The following PRKG2 variants were observed in gnomAD, a reference collection of about 807,000 sequenced individuals.
PRKG2 encodes protein kinase cGMP-dependent 2.
A neutral mutation model predicts 97.2 loss-of-function variants in PRKG2; 33 were observed. The observed-to-expected ratio is 0.34, with a 90% CI of 0.26 to 0.45. PRKG2 has a LOEUF of 0.45. PRKG2 is among the 20% of genes least tolerant of loss of function. The pLI is 1.00. For missense variants in PRKG2, 638 were observed against 900.0 expected, an observed-to-expected ratio of 0.71 and a Z score of 3.73; for synonymous variants, 330 against 321.8, an observed-to-expected ratio of 1.03 and a Z score of -0.27.
chr4:81,169,932 C>A (rs184154238), intron 4 of PRKG2, among the ~76,000 whole-genome samples, 164 bp from the exon 5 acceptor site: 163 of 152,068 alleles, frequency 1.1e-3, no homozygotes, highest in African/African-American at 3.7e-3. Flanking sequence ...AAATAGTGAG[C>A]AATTTTATAA....
At position 81,138,250 on chromosome 4, in the gene PRKG2, C is replaced by T. The variant is rs10027844; in HGVS notation, c.1545-768G>A. On this transcript the variant is annotated intron_variant, in intron 12 of 18. Transcript: ENST00000264399. ...TGGGGGCCTCAGTTCCGAAGCGGGA[C>T]GTAGGCAGGGCATCACATTTCAACC... is the stretch of plus-strand genomic sequence containing the variant. Among the ~76,000 whole-genome samples the T allele has an allele frequency of 7.3e-4, 111 of 152,282 alleles. 1 individual carries two copies. The highest frequency in any genetic ancestry group is 1.0e-3 in the African/African-American group (43 of 41,552).
intron 14 of PRKG2, among the ~76,000 whole-genome samples, chr4:81,130,766 C>T (rs567631887): frequency 1.4e-4 from 21 of 152,276 alleles, no homozygotes; most frequent in East Asian, 9.7e-4. Context: ...AACTTCCCCG[C>T]GGCTTTGTTT....
chr4:81,181,501 A>C (rs1751409432), intron 2 of PRKG2, among the ~76,000 whole-genome samples: 1 of 151,870 alleles, frequency 6.6e-6, no homozygotes, highest in African/African-American at 2.4e-5. Context: ...TCAAAAAAGG[A>C]AGGAAGAAAA....
Position 81,137,335 on chromosome 4 carries a change from T to C in PRKG2, c.1634+58A>G, listed in dbSNP as rs544247337. The C allele has an allele frequency of 1.6e-4, 198 of 1,247,748 alleles. 5 individuals are homozygous for C. The South Asian group carries it at 2.4e-3, about 15-fold the overall frequency. The allele number at this position is 1,247,748 out of a possible 1,614,324, so 77.3% of individuals were successfully genotyped here. ...CCTAATGATTTCCTCTATGCCTTTT[T>C]TAATGATTATAAATATAGCCCTTAG... is the stretch of plus-strand genomic sequence containing the variant. On this transcript the variant is annotated intron_variant, in intron 13 of 18. Coordinates refer to ENST00000264399, the MANE Select transcript of PRKG2 (RefSeq NM_006259.3).
chr4:81,176,119 T>A (rs1465693831), intron 2 of PRKG2: 5 of 152,110 alleles, frequency 3.3e-5, no homozygotes, highest in African/African-American at 7.2e-5. Flanking sequence ...CAGAATGAAG[T>A]CTTGTACAAA....
chr4:81,155,994 A>T (rs1278803145), intron 6 of PRKG2, among the ~76,000 whole-genome samples: 1 of 152,186 alleles, frequency 6.6e-6, no homozygotes, highest in Admixed American at 6.6e-5. Flanking sequence ...TGTAAAGACC[A>T]TCGAGACTAG....
intron 14 of PRKG2, among the ~76,000 whole-genome samples, chr4:81,117,327 C>T (rs956366474): frequency 4.6e-5 from 7 of 151,930 alleles, no homozygotes; most frequent in African/African-American, 1.7e-4. Flanking sequence ...AATCATATCA[C>T]CTGGAAGGTT....
intron 8 of PRKG2, among the ~76,000 whole-genome samples, chr4:81,150,165 A>G (rs1312222107): frequency 1.3e-5 from 2 of 152,210 alleles, no homozygotes; most frequent in Non-Finnish European, 2.9e-5. Flanking sequence ...AGACACAGAC[A>G]TGATCTTGAT....
chr4:81,113,552 A>C (rs991308327), intron 14 of PRKG2, among the ~76,000 whole-genome samples: 3 of 152,166 alleles, frequency 2.0e-5, no homozygotes, highest in African/African-American at 7.2e-5. Context: ...CTAAATCTGC[A>C]CTGATGATTG....
chr4:81,201,507 A>G (rs927489528), intron 2 of PRKG2, among the ~76,000 whole-genome samples: 2 of 152,198 alleles, frequency 1.3e-5, no homozygotes, highest in African/African-American at 4.8e-5. Context: ...GGGAGGTACA[A>G]TTAGACAAAT....
rs542330774 is a variant in PRKG2 at position 81,136,062 on chromosome 4, T to C, written c.1635-766A>G. Among the ~76,000 whole-genome samples the C allele has an allele frequency of 1.2e-4, 19 of 152,264 alleles. 1 individual carries two copies. In the South Asian group the frequency reaches 3.5e-3, roughly 28 times the overall value. On this transcript the variant is annotated intron_variant, in intron 13 of 18. Coordinates refer to ENST00000264399, the MANE Select transcript of PRKG2 (RefSeq NM_006259.3). ...CCTAACAGGTAGCAGTAACTCCCTT[T>C]TCTAAAATGATTTAGATTTTCTCAA...
intron 2 of PRKG2, among the ~76,000 whole-genome samples, chr4:81,185,919 C>T (rs1394324208): frequency 6.6e-6 from 1 of 152,128 alleles, no homozygotes; most frequent in African/African-American, 2.4e-5. Context: ...ACAAGAAGAG[C>T]TAATTATCCT....
chr4:81,137,882 T>C (rs964424814), intron 12 of PRKG2, among the ~76,000 whole-genome samples: 1 of 152,154 alleles, frequency 6.6e-6, no homozygotes, highest in Non-Finnish European at 1.5e-5. Flanking sequence ...CCTTGCATAG[T>C]AGTTATTCAT....
At chr4:81,096,573 C>A (rs1310030404) in intron 17 of PRKG2, among the ~76,000 whole-genome samples, 4 of 152,022 alleles carry the variant, frequency 2.6e-5, no homozygotes, top group African/African-American at 9.7e-5. Flanking sequence ...GAGGTCAATT[C>A]TTTCAAACCC....
At chr4:81,130,960 C>T (rs187092520) in intron 14 of PRKG2, among the ~76,000 whole-genome samples, 57 of 152,266 alleles carry the variant, frequency 3.7e-4, no homozygotes, top group African/African-American at 1.3e-3. Flanking sequence ...CACTTGGCTC[C>T]CTGGCTTCAG....
chr4:81,198,760 G>T (rs2110122676), intron 2 of PRKG2, among the ~76,000 whole-genome samples: 1 of 152,318 alleles, frequency 6.6e-6, no homozygotes, highest in Middle Eastern at 3.4e-3. Context: ...GCCTTCATGA[G>T]TTAATTATGG....
At chr4:81,194,941 C>A (rs1316974369) in intron 2 of PRKG2, among the ~76,000 whole-genome samples, 2 of 149,436 alleles carry the variant, frequency 1.3e-5, no homozygotes, top group Non-Finnish European at 2.9e-5. Context: ...TATATACGCA[C>A]CTATAATCCA....
At chr4:81,133,542 A>T (rs1320542732) in intron 14 of PRKG2, among the ~76,000 whole-genome samples, 5 of 152,164 alleles carry the variant, frequency 3.3e-5, no homozygotes, top group African/African-American at 9.7e-5. Flanking sequence ...CCCCAGAGGA[A>T]TTCTCATGTT....
intron 17 of PRKG2, among the ~76,000 whole-genome samples, chr4:81,092,996 A>G (rs926771740): frequency 4.6e-5 from 7 of 152,158 alleles, no homozygotes; most frequent in Non-Finnish European, 7.3e-5. Flanking sequence ...TCAGGTCACA[A>G]CATGCCTCGG....
Sources: gnomAD v4.1 joint callset for allele counts (sites outside exome capture counted in the v4.1 genomes callset) on GRCh38, gnomAD v4.1.1 for gene constraint, MANE v1.5 for transcripts, NCBI Gene and HGNC (gene_info 2026-07-23, HGNC 2026-07-21) for gene names.